Variants in DPH6 observed in about 807,000 individuals in gnomAD.
DPH6 encodes diphthine--ammonia ligase.
A neutral mutation model predicts 38.2 loss-of-function variants in DPH6; 33 were observed. The ratio of observed to expected loss-of-function variants is 0.86; its 90% confidence interval spans 0.65 to 1.15. The LOEUF is 1.15. Among genes scored for constraint, DPH6 ranks in the 50% most tolerant of loss-of-function variants. The pLI is 0.00. For synonymous variants in DPH6, 108 were observed against 103.0 expected, an observed-to-expected ratio of 1.05 and a Z score of -0.30; for missense variants, 325 against 320.0, an observed-to-expected ratio of 1.02 and a Z score of -0.12.
At chr15:35,356,546 C>T (rs1487400993) in intron 3 of DPH6, among the ~76,000 whole-genome samples, 1 of 152,178 alleles carries the variant, frequency 6.6e-6, no homozygotes, top group Non-Finnish European at 1.5e-5. Context: ...GCTGGAGGTC[C>T]ACTCCAGACC....
chr15:35,484,579 C>A (rs1435915901), intron 3 of DPH6, among the ~76,000 whole-genome samples: 3 of 152,232 alleles, frequency 2.0e-5, no homozygotes, highest in Admixed American at 1.3e-4. Flanking sequence ...TGGACCCCTC[C>A]ATCGGGAAGC....
chr15:35,372,388 G>C, intron 8 of DPH6, 185 bp from the exon 9 acceptor site: 1 of 418,720 alleles, frequency 2.4e-6, no homozygotes, highest in Non-Finnish European at 4.1e-6. Flanking sequence ...AAAACAACGA[G>C]GTGAACAGTG....
At position 35,381,798 on chromosome 15, in the gene DPH6, G is replaced by A. The variant is rs551826397; in HGVS notation, c.662+24C>T. The A allele has an allele frequency of 2.1e-5, 34 of 1,584,802 alleles. No individual in the cohort carries two copies. The African/African-American group carries it at 4.3e-4, about 20-fold the overall frequency. ...ATCACTTAAATTTATGGGAAAAAAA[G>A]AAAATGCTGAAATGATATCTTACAC... On this transcript the variant is annotated intron_variant, in intron 7 of 8. Coordinates refer to ENST00000256538, the MANE Select transcript of DPH6 (RefSeq NM_080650.4).
intron 5 of DPH6, among the ~76,000 whole-genome samples, chr15:35,446,164 T>TA (rs1351815813): frequency 6.6e-6 from 1 of 151,750 alleles, no homozygotes; most frequent in Non-Finnish European, 1.5e-5. Context: ...ACAGATGACA[T>TA]AAATTTACAG....
rs116601698 is a variant in DPH6 at position 35,441,662 on chromosome 15, G to A, written c.505+9023C>T. ...ACATCACACACCAGGCCCTGCTGGC[G>A]GGTGGGGGGTTAGGGGAGGGATAGC... On this transcript the variant is annotated intron_variant, in intron 5 of 8. Transcript: ENST00000256538. Among the ~76,000 whole-genome samples the A allele has an allele frequency of 4.2e-3, 635 of 152,282 alleles. 10 individuals carry two copies. Among genetic ancestry groups the A allele is most frequent in the African/African-American group, 0.015 (604 of 41,554 alleles).
At chr15:35,195,675 C>T in the DPH6 span, among the ~76,000 whole-genome samples, 856 of 152,270 alleles carry the variant, frequency 5.6e-3, 6 homozygotes, top group African/African-American at 0.019. Context: ...AAACTATCCT[C>T]CAGGTTGGTA....
At chr15:35,530,621 T>C (rs1025699528) in intron 3 of DPH6, among the ~76,000 whole-genome samples, 3 of 152,188 alleles carry the variant, frequency 2.0e-5, no homozygotes, top group African/African-American at 7.2e-5. Flanking sequence ...AAGTTCAAGG[T>C]TGAAGAGACA....
intron 5 of DPH6, among the ~76,000 whole-genome samples, chr15:35,445,694 G>A (rs1046014145): frequency 5.9e-5 from 9 of 151,980 alleles, no homozygotes; most frequent in East Asian, 3.9e-4. Flanking sequence ...ATCAAAACAC[G>A]CACATATCAT....
At chr15:35,433,456 G>A (rs918118765) in intron 5 of DPH6, among the ~76,000 whole-genome samples, 9 of 152,296 alleles carry the variant, frequency 5.9e-5, no homozygotes, top group Admixed American at 4.6e-4. Flanking sequence ...TAATGAAACT[G>A]CAGAGTTATA....
chr15:35,255,654 G>A (rs1359513765), intron 3 of DPH6, among the ~76,000 whole-genome samples: 4 of 152,102 alleles, frequency 2.6e-5, no homozygotes, highest in Non-Finnish European at 5.9e-5. Context: ...ATATTCTAAC[G>A]TGTTGCCACA....
In DPH6 at chr15:35,243,167, A is replaced by C. The variant is rs1455270253; in HGVS notation, n.201-22585T>G. Among the ~76,000 whole-genome samples the C allele has an allele frequency of 1.1e-4, 16 of 141,662 alleles. 1 individual carries two copies. Among genetic ancestry groups the C allele is most frequent in the Admixed American group, 3.1e-4 (4 of 12,876 alleles). 92.9% of individuals were successfully genotyped at this position (141,662 alleles called of 152,430 possible). On this transcript the variant is annotated intron_variant and non_coding_transcript_variant, in intron 3 of 3. Coordinates refer to the DPH6 transcript ENST00000560386. ...AAACCGTATCCAGGCCATCACCAAT[A>C]ATTCTACATGACAAATGTTTCTTCT... is the stretch of plus-strand genomic sequence containing the variant.
intron 6 of DPH6, among the ~76,000 whole-genome samples, chr15:35,387,308 T>C (rs930200140): frequency 2.0e-5 from 3 of 152,196 alleles, no homozygotes; most frequent in African/African-American, 7.2e-5. Flanking sequence ...TGGCTTAGGA[T>C]TGACTTGGCA....
downstream of DPH6, among the ~76,000 whole-genome samples, chr15:35,368,915 T>A (rs192481837): frequency 2.0e-5 from 3 of 151,818 alleles, no homozygotes; most frequent in African/African-American, 4.8e-5. Context: ...TTTAGAATCA[T>A]CTGGATAAAG....
At chr15:35,227,340 C>T (rs1421515906) in intron 3 of DPH6, among the ~76,000 whole-genome samples, 1 of 151,690 alleles carries the variant, frequency 6.6e-6, no homozygotes, top group Non-Finnish European at 1.5e-5. Context: ...CCCGCCACCA[C>T]ACCCGGCTAA....
In DPH6 at chr15:35,389,345, T is replaced by C. The variant is rs1338404763; in HGVS notation, c.568-7429A>G. Among the ~76,000 whole-genome samples, 5 of 152,338 alleles carry C rather than the reference T, an allele frequency of 3.3e-5. No individual in the cohort carries two copies. In the East Asian group the frequency reaches 9.6e-4, roughly 29 times the overall value. On this transcript the variant is annotated intron_variant, in intron 6 of 8. Coordinates refer to ENST00000256538, the MANE Select transcript of DPH6 (RefSeq NM_080650.4). The stretch of plus-strand genomic sequence containing the variant: ...GATTTGGGGTGCAGAGTTCTGTAGA[T>C]GTCTATTAGGTCTGCTTGGTGCAGA...
At chr15:35,190,143 T>G in the DPH6 span, among the ~76,000 whole-genome samples, 1 of 152,186 alleles carries the variant, frequency 6.6e-6, no homozygotes, top group Non-Finnish European at 1.5e-5. Context: ...AGGGGGGATA[T>G]GGAAGGCAAC....
intron 3 of DPH6, among the ~76,000 whole-genome samples, chr15:35,250,520 A>C (rs178530): frequency 4.0e-4 from 61 of 152,290 alleles, no homozygotes; most frequent in Non-Finnish European, 6.2e-4. Flanking sequence ...TTTGAAGATA[A>C]AGGAAACATG....
chr15:35,240,495 G>A (rs1180968485), intron 3 of DPH6, among the ~76,000 whole-genome samples: 3 of 142,348 alleles, frequency 2.1e-5, no homozygotes, highest in African/African-American at 7.6e-5. Flanking sequence ...CTCAGCCTCC[G>A]CTCCTCCACC....
intron 5 of DPH6, among the ~76,000 whole-genome samples, chr15:35,445,489 T>C (rs1004765912): frequency 6.6e-6 from 1 of 152,058 alleles, no homozygotes; most frequent in Admixed American, 6.5e-5. Flanking sequence ...ATATGGATTT[T>C]TTTTTCAATA....
Sources: gnomAD v4.1 joint callset for allele counts (sites outside exome capture counted in the v4.1 genomes callset) on GRCh38, gnomAD v4.1.1 for gene constraint, MANE v1.5 for transcripts, NCBI Gene and HGNC (gene_info 2026-07-23, HGNC 2026-07-21) for gene names.